DSCAM: variants seen among roughly 807,000 people sequenced by gnomAD.
The protein encoded by DSCAM is DS cell adhesion molecule.
DSCAM carries 47 observed loss-of-function variants against 217.7 expected under a neutral mutation model. The ratio of observed to expected loss-of-function variants is 0.22; its 90% CI spans 0.17 to 0.28. The LOEUF is 0.28. Ranked by LOEUF, DSCAM falls within the 10% of genes least tolerant of loss-of-function variation. The pLI is 1.00. For synonymous variants in DSCAM, 1,056 were observed against 1,015.3 expected (o/e 1.04, Z -0.76); for missense variants, 2,080 against 2,618.3 (o/e 0.79, Z 4.49).
intron 1 of DSCAM, among the ~76,000 whole-genome samples, chr21:40,769,397 A>G (rs1186371192): frequency 2.0e-5 from 3 of 151,890 alleles, no homozygotes; most frequent in Non-Finnish European, 2.9e-5. Context: ...CCATGGGGAG[A>G]AGGAGATGAG....
At chr21:40,429,878 T>G (rs2145892648) in intron 3 of DSCAM, among the ~76,000 whole-genome samples, 1 of 152,308 alleles carries the variant, frequency 6.6e-6, no homozygotes, top group East Asian at 1.9e-4. Context: ...CAAAATATAA[T>G]AAGACATGAC....
intron 1 of DSCAM, among the ~76,000 whole-genome samples, chr21:40,801,522 C>T (rs1445063375): frequency 6.6e-6 from 1 of 152,110 alleles, no homozygotes; most frequent in African/African-American, 2.4e-5. Context: ...CTTGAGGCTG[C>T]CTCTCTCATC....
intron 3 of DSCAM, among the ~76,000 whole-genome samples, chr21:40,465,818 T>C (rs1457123250): frequency 6.6e-6 from 1 of 152,010 alleles, no homozygotes; most frequent in East Asian, 1.9e-4. Flanking sequence ...ACTCTTGAAA[T>C]ACTTGAGAAA....
rs377091255 is a variant in DSCAM at position 40,174,253 on chromosome 21, C to T, written c.2947+4674G>A. On this transcript the variant is annotated intron_variant, in intron 15 of 32. Coordinates refer to ENST00000400454, the MANE Select transcript of DSCAM (RefSeq NM_001389.5). ...TGGCTTCATGGCTATTCTCTGAGGT[C>T]GAGTGTATTAAAGTGGTATGATAAC... is the stretch of plus-strand genomic sequence containing the variant. Among the ~76,000 whole-genome samples, 7 of 152,200 alleles carry T rather than the reference C, an allele frequency of 4.6e-5. No homozygotes were observed. The South Asian group carries it at 1.0e-3, about 23-fold the overall frequency.
At chr21:40,643,684 T>C (rs1338146632) in intron 3 of DSCAM, among the ~76,000 whole-genome samples, 3 of 152,156 alleles carry the variant, frequency 2.0e-5, no homozygotes, top group African/African-American at 7.2e-5. Context: ...GTCTTCAAGT[T>C]AGAATGAGGC....
intron 1 of DSCAM, among the ~76,000 whole-genome samples, chr21:40,768,961 G>C (rs2091420599): frequency 6.6e-6 from 1 of 152,228 alleles, no homozygotes; most frequent in Non-Finnish European, 1.5e-5. Context: ...GATTATCAAA[G>C]AGATGCATAT....
chr21:40,404,020 T>C (rs922305622), intron 3 of DSCAM, among the ~76,000 whole-genome samples: 2 of 152,326 alleles, frequency 1.3e-5, no homozygotes, highest in South Asian at 2.1e-4. Context: ...AGATTATCTA[T>C]GTTAATTCCC....
chr21:40,773,643 C>T (rs2091464741), intron 1 of DSCAM, among the ~76,000 whole-genome samples: 1 of 152,212 alleles, frequency 6.6e-6, no homozygotes, highest in Non-Finnish European at 1.5e-5. Flanking sequence ...AGCAAAGTGC[C>T]TACAAGCCAA....
At chr21:40,358,677 T>C (rs935361787) in intron 4 of DSCAM, among the ~76,000 whole-genome samples, 1 of 151,580 alleles carries the variant, frequency 6.6e-6, no homozygotes, top group African/African-American at 2.4e-5. Flanking sequence ...TGTGGTGGCA[T>C]GAGCCTGTAA....
intron 3 of DSCAM, among the ~76,000 whole-genome samples, chr21:40,604,499 G>A (rs951348022): frequency 6.6e-6 from 1 of 152,044 alleles, no homozygotes; most frequent in African/African-American, 2.4e-5. Flanking sequence ...ATTATTTGTT[G>A]AGAGTCAGAC....
chr21:40,322,366 C>T (rs1259930845), intron 8 of DSCAM, among the ~76,000 whole-genome samples: 1 of 152,186 alleles, frequency 6.6e-6, no homozygotes, highest in East Asian at 1.9e-4. Context: ...TCTTAGCACT[C>T]ACAAAACTAA....
chr21:40,771,280 T>C (rs1180939936), intron 1 of DSCAM, among the ~76,000 whole-genome samples: 2 of 152,160 alleles, frequency 1.3e-5, no homozygotes, highest in African/African-American at 2.4e-5. Flanking sequence ...GGGTGTCCTA[T>C]AAGGCAGGCC....
At chr21:40,036,785 G>A (rs1296748864) in intron 32 of DSCAM, among the ~76,000 whole-genome samples, 3 of 145,776 alleles carry the variant, frequency 2.1e-5, no homozygotes, top group Admixed American at 6.8e-5. Context: ...CTGGCAGACC[G>A]AATCCAGCAG....
intron 1 of DSCAM, among the ~76,000 whole-genome samples, chr21:40,742,917 CA>C (rs775428797): frequency 6.6e-6 from 1 of 152,102 alleles, no homozygotes; most frequent in Admixed American, 6.5e-5. Context: ...ATACAATTAT[CA>C]AAAAAGTTAA....
At chr21:40,178,831 C>A in intron 15 of DSCAM, 96 bp downstream of exon 15, 2 of 1,497,542 alleles carry the variant, frequency 1.3e-6, no homozygotes, top group Non-Finnish European at 1.8e-6. Flanking sequence ...CTCCGCCTAG[C>A]ACGGGCAAAG....
At chr21:40,661,813 G>C (rs745542421) in intron 3 of DSCAM, among the ~76,000 whole-genome samples, 1 of 152,178 alleles carries the variant, frequency 6.6e-6, no homozygotes, top group Non-Finnish European at 1.5e-5. Context: ...AAGGCAATAT[G>C]AGAATAGAGA....
At chr21:40,536,681 C>T (rs1402884104) in intron 3 of DSCAM, among the ~76,000 whole-genome samples, 1 of 152,228 alleles carries the variant, frequency 6.6e-6, no homozygotes. Context: ...GCAGGGATTA[C>T]AGGCGTGAGC....
At chr21:40,355,053 T>C (rs540206359) in intron 4 of DSCAM, among the ~76,000 whole-genome samples, 1 of 152,228 alleles carries the variant, frequency 6.6e-6, no homozygotes, top group South Asian at 2.1e-4. Flanking sequence ...ATGAGACAGG[T>C]GTCTTCCTGG....
chr21:40,354,469 G>A (rs1361050713), intron 4 of DSCAM, among the ~76,000 whole-genome samples: 1 of 152,108 alleles, frequency 6.6e-6, no homozygotes, highest in East Asian at 1.9e-4. Flanking sequence ...CTGGGCTCAA[G>A]TGATCCTCCT....
Sources: gnomAD v4.1 joint callset for allele counts (sites outside exome capture counted in the v4.1 genomes callset) on GRCh38, gnomAD v4.1.1 for gene constraint, MANE v1.5 for transcripts, NCBI Gene and HGNC (gene_info 2026-07-23, HGNC 2026-07-21) for gene names.